Variants in KCNH7 observed in about 807,000 individuals in gnomAD.
The protein encoded by KCNH7 is voltage-gated inwardly rectifying potassium channel KCNH7.
Under a neutral mutation model 120.8 loss-of-function variants are expected in KCNH7, and 49 were observed. The ratio of observed to expected loss-of-function variants is 0.41; its 90% CI spans 0.32 to 0.51. KCNH7 has a LOEUF of 0.51. Ranked by LOEUF, KCNH7 falls within the 20% of genes least tolerant of loss-of-function variation. The pLI, the probability that KCNH7 is intolerant of heterozygous loss-of-function variation, is 0.38. For missense variants in KCNH7, 1,097 were observed against 1,446.6 expected (o/e 0.76, Z 3.92); for synonymous variants, 547 against 516.1 (o/e 1.06, Z -0.81).
intron 2 of KCNH7, among the ~76,000 whole-genome samples, chr2:162,787,704 G>T (rs182623503): frequency 6.6e-6 from 1 of 152,260 alleles, no homozygotes; most frequent in East Asian, 1.9e-4. Flanking sequence ...TCAGACTCAA[G>T]GCCCAGATAA....
intron 4 of KCNH7, among the ~76,000 whole-genome samples, chr2:162,514,443 G>C (rs1380059544): frequency 2.0e-5 from 3 of 151,678 alleles, no homozygotes; most frequent in Non-Finnish European, 4.4e-5. Context: ...CCAATTCCAA[G>C]AAAACTAACA....
At chr2:162,478,743 A>G (rs915913097) in intron 6 of KCNH7, among the ~76,000 whole-genome samples, 4 of 152,170 alleles carry the variant, frequency 2.6e-5, no homozygotes, top group Non-Finnish European at 5.9e-5. Context: ...ATATAAAGCC[A>G]TAGAATCATG....
Position 162,493,091 on chromosome 2 carries a change from G to T in KCNH7, c.1128+11352C>A, listed in dbSNP as rs181697533. Among the ~76,000 whole-genome samples, 447 of 152,012 alleles carry T rather than the reference G, an allele frequency of 2.9e-3. 1 individual carries two copies. The highest frequency in any genetic ancestry group is 0.01 in the African/African-American group (425 of 41,488). ...GAACCCCAGGAATTAAAAGCAAATA[G>T]GTCCCTCTCAAAATTTGTTTTTGTC... On this transcript the variant is annotated intron_variant, in intron 6 of 15. Transcript: ENST00000332142.
At chr2:162,432,158 G>A (rs1688091039) in intron 8 of KCNH7, among the ~76,000 whole-genome samples, 1 of 151,910 alleles carries the variant, frequency 6.6e-6, no homozygotes, top group African/African-American at 2.4e-5. Context: ...TGCCACTAAA[G>A]CAGATGACCC....
intron 2 of KCNH7, among the ~76,000 whole-genome samples, chr2:162,623,894 GT>G (rs1332581088): frequency 6.6e-6 from 1 of 152,146 alleles, no homozygotes. Flanking sequence ...GTTTTCCTCA[GT>G]TTATTACCTG....
rs180679337 is a variant in KCNH7, at chr2:162,412,509, T to C, written c.2154+10827A>G. Among the ~76,000 whole-genome samples the C allele has an allele frequency of 1.9e-3, 284 of 152,294 alleles. 3 individuals carry two copies. Among genetic ancestry groups the C allele is most frequent in the African/African-American group, 6.4e-3 (268 of 41,574 alleles). The stretch of plus-strand genomic sequence containing the variant: ...GAGTTAGAATAGACCTACAATCTGT[T>C]TTCTATATTTCCCAAGAAATAACAG... On this transcript the variant is annotated intron_variant, in intron 9 of 15. Transcript: ENST00000332142.
intron 6 of KCNH7, among the ~76,000 whole-genome samples, chr2:162,462,621 T>A (rs16846732): frequency 0.091 from 13,807 of 151,728 alleles, 879 homozygotes; most frequent in African/African-American, 0.18. Context: ...GTGGCACTAG[T>A]AGGGAATGTA....
At position 162,734,834 on chromosome 2, in the gene KCNH7, T is replaced by C. The variant is rs371693778; in HGVS notation, c.307+101703A>G. 4.6e-5 allele frequency among the ~76,000 whole-genome samples: 7 copies of C among 152,244 alleles called. No homozygotes were observed. In the East Asian group the frequency reaches 7.7e-4, roughly 17 times the overall value. ...ACTTGACAGTGATTTTTCTTGCCAA[T>C]CCTTTTAACATATGAAAATAGGGAC... On this transcript the variant is annotated intron_variant, in intron 2 of 15. Transcript: ENST00000332142.
chr2:162,537,045 C>T lies in KCNH7; in HGVS notation c.343G>A (p.Val115Met). ...TFICNTHIIP[V>M]KNQEGVAMMF... is the part of the protein sequence containing the mutation. ...ATAGCCACGCCCTCTTGGTTTTTCA[C>T]TGGAATTATGTGAGTGTTACAAATA... The change falls in exon 3 of 16, where the codon GTG becomes ATG. Residue 115 changes from valine to methionine, a missense_variant. Around this residue, in one of 8 missense-constraint regions of KCNH7, gnomAD observed 362 missense variants for 372.2 expected, o/e 0.97. Transcript: ENST00000332142. The T allele has an allele frequency of 6.2e-7, 1 of 1,612,392 alleles. No homozygotes were observed.
chr2:162,666,001 T>C (rs554524791), intron 2 of KCNH7, among the ~76,000 whole-genome samples: 4 of 152,314 alleles, frequency 2.6e-5, no homozygotes, highest in Admixed American at 2.6e-4. Context: ...GAAAAACTTT[T>C]TTTCATTTTT....
At chr2:162,405,782 A>C (rs1325065732) in intron 9 of KCNH7, among the ~76,000 whole-genome samples, 1 of 151,972 alleles carries the variant, frequency 6.6e-6, no homozygotes, top group Non-Finnish European at 1.5e-5. Flanking sequence ...TATACCAGTA[A>C]AATAATTATA....
chr2:162,836,675 G>A lies in KCNH7; in HGVS notation c.169C>T (p.Pro57Ser). ...GTGCATGGCTTTTGCATGACATCTGGCCTGGAGAAACCAGTCATCTCACAG... is the reference window on the plus strand; with the variant it reads ...GTGCATGGCTTTTGCATGACATCTGACCTGGAGAAACCAGTCATCTCACAG... ...GFCEMTGFSR[P>S]DVMQKPCTCD... Residue 57 changes from proline to serine, a missense_variant, in exon 2 of 16, where the codon CCA becomes TCA. Pro to Ser is a moderately conservative substitution (Grantham distance 74). Transcript: ENST00000332142. The A allele has an allele frequency of 6.2e-7, 1 of 1,614,026 alleles. No homozygotes were observed. Among genetic ancestry groups the A allele is most frequent in the Non-Finnish European group, 8.5e-7 (1 of 1,179,968 alleles).
chr2:162,766,196 G>A (rs1449739054), intron 2 of KCNH7, among the ~76,000 whole-genome samples: 12 of 152,068 alleles, frequency 7.9e-5, no homozygotes, highest in African/African-American at 2.9e-4. Context: ...GTGTGTGTGT[G>A]TGTCAAAGGA....
intron 7 of KCNH7, among the ~76,000 whole-genome samples, chr2:162,440,528 T>C (rs949652559): frequency 1.3e-5 from 2 of 152,090 alleles, no homozygotes; most frequent in Non-Finnish European, 2.9e-5. Flanking sequence ...TAGTTTCTAG[T>C]CCTTTGTTCA....
At chr2:162,565,460 T>C (rs1224143486) in intron 2 of KCNH7, among the ~76,000 whole-genome samples, 1 of 152,058 alleles carries the variant, frequency 6.6e-6, no homozygotes, top group Non-Finnish European at 1.5e-5. Context: ...ATTAGGGGCA[T>C]ACAAAAATAT....
chr2:162,783,111 G>T (rs552769773), intron 2 of KCNH7, among the ~76,000 whole-genome samples: 2 of 152,262 alleles, frequency 1.3e-5, no homozygotes, highest in East Asian at 1.9e-4. Context: ...GAGCCACAAA[G>T]GTAATAACAT....
chr2:162,551,938 T>A (rs927167321), intron 2 of KCNH7, among the ~76,000 whole-genome samples: 78 of 152,282 alleles, frequency 5.1e-4, no homozygotes, highest in African/African-American at 1.8e-3. Context: ...TTGGTGGAAA[T>A]GTAACATTTT....
intron 2 of KCNH7, among the ~76,000 whole-genome samples, chr2:162,539,976 A>G (rs1348275660): frequency 3.3e-5 from 5 of 152,144 alleles, no homozygotes; most frequent in African/African-American, 4.8e-5. Context: ...TACTTTGGTC[A>G]AGTGACATTG....
At chr2:162,642,585 A>C (rs1359033809) in intron 2 of KCNH7, among the ~76,000 whole-genome samples, 7 of 152,218 alleles carry the variant, frequency 4.6e-5, no homozygotes, top group African/African-American at 1.7e-4. Context: ...TATTGTTGTC[A>C]ATAGTTGAAT....
Sources: gnomAD v4.1 joint callset for allele counts (sites outside exome capture counted in the v4.1 genomes callset) on GRCh38, gnomAD v4.1.1 for gene constraint, gnomAD v4.1.1 regional missense constraint, MANE v1.5 for transcripts, NCBI Gene and HGNC (gene_info 2026-07-23, HGNC 2026-07-21) for gene names.